DISP2: variants seen among roughly 807,000 people sequenced by gnomAD.
The protein encoded by DISP2 is dispatched RND transporter family member 2, also known as protein dispatched homolog 2.
In DISP2, 59 loss-of-function variants were observed where a neutral mutation model predicts 95.5. The observed-to-expected ratio is 0.62, with a 90% CI of 0.50 to 0.77. DISP2 has a LOEUF of 0.77. Ranked by LOEUF, DISP2 falls within the 30% of genes least tolerant of loss-of-function variation. DISP2 has a pLI of 0.00. For synonymous variants in DISP2, 827 were observed against 815.0 expected, an observed-to-expected ratio of 1.01 and a Z score of -0.25; for missense variants, 1,752 against 1,854.6, an observed-to-expected ratio of 0.94 and a Z score of 1.02.
Position 40,367,403 on chromosome 15 carries a change from C to A in DISP2, c.1291C>A (p.Pro431Thr). 2 of 1,613,514 alleles carry A rather than the reference C, an allele frequency of 1.2e-6. No individual in the cohort carries two copies. Among genetic ancestry groups the A allele is most frequent in the Non-Finnish European group, 1.7e-6 (2 of 1,179,936 alleles). The part of the protein sequence containing the change: ...LSPQTTDYQV[P>T]SLKYSLLFLP... ...TCCCCAGACCACTGACTACCAGGTG[C>A]CTTCCCTCAAGTACAGCCTGCTCTT... The change falls in exon 8 of 8, where the codon CCT (proline) becomes ACT (threonine). Residue 431 changes from proline (P) to threonine (T), a missense_variant. This residue lies in a region of DISP2 where 732 missense variants were observed against 714.6 expected (regional missense o/e 1.02). Coordinates refer to ENST00000267889, the MANE Select transcript of DISP2 (RefSeq NM_033510.3).
intron 6 of DISP2, 123 bp from the exon 7 acceptor site, chr15:40,365,505 T>G (rs1159734801): frequency 7.6e-7 from 1 of 1,311,930 alleles, no homozygotes; most frequent in African/African-American, 1.4e-5. Context: ...AGGCAGTCCA[T>G]GCACAGGCTT....
rs1333962409 is a variant in DISP2 at position 40,370,770 on chromosome 15, TCA to T, written c.*454_*455del. 2.5e-6 allele frequency: 1 copy of T among 407,380 alleles called. No homozygotes were observed. Among genetic ancestry groups the T allele is most frequent in the Admixed American group, 2.8e-5 (1 of 35,888 alleles). The allele number at this position is 407,380 out of a possible 1,614,324, so 25.2% of individuals were successfully genotyped here. Reference sequence around the variant, plus strand: ...AGCAATCTCCACAGCCTCCTGGGTCTCACCCCTTTCATGGGCTCTTCATCAGG... The same window carrying T: ...AGCAATCTCCACAGCCTCCTGGGTCTCCCCTTTCATGGGCTCTTCATCAGG... On this transcript the variant is annotated 3_prime_UTR_variant, in exon 8 of 8. Transcript: ENST00000267889.
Position 40,375,851 on chromosome 15 carries a change from T to C in DISP2, c.*5533T>C, listed in dbSNP as rs540356952. The C allele has an allele frequency of 2.6e-5, 4 of 152,388 alleles. No individual in the cohort carries two copies. The highest frequency in any genetic ancestry group is 2.0e-4 in the Admixed American group (3 of 15,284). 9.4% of individuals were successfully genotyped at this position (152,388 alleles called of 1,614,324 possible). A position where few individuals can be genotyped will look rare whatever the true frequency, so the allele number is the denominator to read the frequency against. ...CCATATGTTCCCCTCCTTATATTGG[T>C]GGGCCTAAGAAGCCACAGGCCTGAC... On this transcript the variant is annotated 3_prime_UTR_variant, in exon 8 of 8. Coordinates refer to ENST00000267889, the MANE Select transcript of DISP2 (RefSeq NM_033510.3).
chr15:40,365,822 G>A lies in DISP2; in HGVS notation c.945+97G>A, dbSNP rs549943742. ...ACAGCTGAGCCAGGACTGCCAGGGG[G>A]TGGACTGGGGAAGAGCATTCCCTGC... On this transcript the variant is annotated intron_variant, in intron 7 of 7. Coordinates refer to ENST00000267889, the MANE Select transcript of DISP2 (RefSeq NM_033510.3). The A allele has an allele frequency of 9.0e-6, 11 of 1,219,086 alleles. No individual in the cohort carries two copies. The African/African-American group carries it at 1.0e-4, about 11-fold the overall frequency. The allele number at this position is 1,219,086 out of a possible 1,614,324, so 75.5% of individuals were successfully genotyped here. A position where few individuals can be genotyped will look rare whatever the true frequency, so the allele number is the denominator to read the frequency against.
chr15:40,361,265 C>G (rs150545026), intron 1 of DISP2, among the ~76,000 whole-genome samples: 1 of 152,344 alleles, frequency 6.6e-6, no homozygotes, highest in Admixed American at 6.5e-5. Flanking sequence ...TAGTGAGATT[C>G]TCAAGGTGTG....
chr15:40,363,455 G>A (rs1430273806), intron 1 of DISP2, among the ~76,000 whole-genome samples, 170 bp from the exon 2 acceptor site: 4 of 152,286 alleles, frequency 2.6e-5, no homozygotes, highest in Non-Finnish European at 4.4e-5. Context: ...GGCTGAGGGC[G>A]CAGACTTCGA....
intron 1 of DISP2, among the ~76,000 whole-genome samples, chr15:40,363,243 C>G (rs12913300): frequency 6.7e-6 from 1 of 148,406 alleles, no homozygotes; most frequent in African/African-American, 2.5e-5. Context: ...ACCCGGGAGG[C>G]GGAGCTTGCA....
chr15:40,358,260 G>GCCGCCACCGCCGCCGCCA lies in DISP2; in HGVS notation c.-57_-56insACCGCCGCCGCCACCGCC. The GCCGCCACCGCCGCCGCCA allele has an allele frequency of 1.1e-6, 1 of 888,024 alleles. No individual in the cohort carries two copies. Among genetic ancestry groups the GCCGCCACCGCCGCCGCCA allele is most frequent in the Non-Finnish European group, 1.4e-6 (1 of 701,642 alleles). The allele number at this position is 888,024 out of a possible 1,614,324, so 55.0% of individuals were successfully genotyped here. ...CGCCGCCGCTGCCGCCGCCACCGCC[G>GCCGCCACCGCCGCCGCCA]CCGCCGCCGCCGCCGCCGCGGCTTC... On this transcript the variant is annotated 5_prime_UTR_variant, in exon 1 of 8. Coordinates refer to ENST00000267889, the MANE Select transcript of DISP2 (RefSeq NM_033510.3).
rs1451371217 is a variant in DISP2, at chr15:40,358,251, G to C, written c.-71G>C. On this transcript the variant is annotated 5_prime_UTR_variant, in exon 1 of 8. Transcript: ENST00000267889. ...CGAGCACCCCGCCGCCGCTGCCGCC[G>C]CCACCGCCGCCGCCGCCGCCGCCGC... is the stretch of plus-strand genomic sequence containing the variant. The C allele has an allele frequency of 1.8e-6, 2 of 1,087,208 alleles. No homozygotes were observed. Among genetic ancestry groups the C allele is most frequent in the East Asian group, 8.8e-5 (2 of 22,722 alleles). The allele number at this position is 1,087,208 out of a possible 1,614,324, so 67.3% of individuals were successfully genotyped here. A position where few individuals can be genotyped will look rare whatever the true frequency, so the allele number is the denominator to read the frequency against.
intron 7 of DISP2, among the ~76,000 whole-genome samples, chr15:40,366,475 C>T (rs893917855): frequency 5.3e-5 from 8 of 152,236 alleles, no homozygotes; most frequent in African/African-American, 1.7e-4. Flanking sequence ...CCCAAGGTTA[C>T]GCAGCCAGTT....
chr15:40,366,058 C>T (rs906380032), intron 7 of DISP2, among the ~76,000 whole-genome samples: 3 of 152,242 alleles, frequency 2.0e-5, no homozygotes, highest in African/African-American at 7.2e-5. Context: ...CCTCAGCCCC[C>T]ATCAACCTGA....
chr15:40,365,306 A>T, intron 6 of DISP2, 32 bp downstream of exon 6: 3 of 1,610,496 alleles, frequency 1.9e-6, no homozygotes, highest in Non-Finnish European at 2.5e-6. Context: ...TCCTGGTTTT[A>T]ATAGTGGTCC....
At position 40,368,157 on chromosome 15, in the gene DISP2, C is replaced by T. The variant is rs1374348518; in HGVS notation, c.2045C>T (p.Ala682Val). Residue 682 changes from alanine to valine, a missense_variant, in exon 8 of 8, where the codon GCG (alanine) becomes GTG (valine). Coordinates refer to ENST00000267889, the MANE Select transcript of DISP2 (RefSeq NM_033510.3). Reference sequence around the variant, plus strand: ...CGGCGGCTCCGCGGCCTGCGGAGGGCGGCGGCTGGCACCTCGCGTCTGCTC... The same window carrying T: ...CGGCGGCTCCGCGGCCTGCGGAGGGTGGCGGCTGGCACCTCGCGTCTGCTC... The part of the protein sequence containing the change: ...LHRRLRGLRR[A>V]AAGTSRLLFQ... The T allele has an allele frequency of 6.5e-7, 1 of 1,534,584 alleles. No individual in the cohort carries two copies. Among genetic ancestry groups the T allele is most frequent in the Non-Finnish European group, 8.7e-7 (1 of 1,149,202 alleles).
Position 40,369,710 on chromosome 15 carries a change from G to A in DISP2, c.3598G>A (p.Asp1200Asn). 6.2e-7 allele frequency: 1 copy of A among 1,611,480 alleles called. No individual in the cohort carries two copies. Among genetic ancestry groups the A allele is most frequent in the Non-Finnish European group, 8.5e-7 (1 of 1,180,008 alleles). ...SVLSEDLQLH[D>N]GPCCSRPPPA... ...ACTCTCTGAGGATCTGCAGCTCCAT[G>A]ATGGTCCGTGCTGTTCCCGGCCCCC... Residue 1200 changes from aspartate (D) to asparagine (N), a missense_variant, in exon 8 of 8, where the codon GAT (aspartate) becomes AAT (asparagine). Around this residue, in one of 5 missense-constraint regions of DISP2, gnomAD observed 347 missense variants for 344.2 expected, o/e 1.01. Coordinates refer to ENST00000267889, the MANE Select transcript of DISP2 (RefSeq NM_033510.3).
intron 1 of DISP2, 53 bp downstream of exon 1, chr15:40,358,493 C>G (rs1889356106): frequency 8.4e-7 from 1 of 1,188,828 alleles, no homozygotes; most frequent in African/African-American, 1.6e-5. Flanking sequence ...AGACCCTCCC[C>G]GCCCCAGGTA....
At position 40,369,623 on chromosome 15, in the gene DISP2, C is replaced by A; in HGVS notation, c.3511C>A (p.Arg1171Ser). The change falls in exon 8 of 8, where the codon CGT (arginine) becomes AGT (serine). Residue 1171 changes from arginine (R) to serine (S), a missense_variant. Transcript: ENST00000267889. ...ATATGAGCTACAGCCCCTGGCACGG[C>A]GTCGGAGCCCCAGCTTTGACACCAG... ...EQYELQPLAR[R>S]RSPSFDTSTA... 6 of 1,611,448 alleles carry A rather than the reference C, an allele frequency of 3.7e-6. No homozygotes were observed. The highest frequency in any genetic ancestry group is 5.1e-6 in the Non-Finnish European group (6 of 1,179,994).
chr15:40,365,126 T>C (rs762122216), intron 5 of DISP2, 21 bp from the exon 6 acceptor site: 1 of 1,611,344 alleles, frequency 6.2e-7, no homozygotes, highest in Non-Finnish European at 8.5e-7. Flanking sequence ...GTGCCTGGCA[T>C]AGATATTCTC....
chr15:40,362,257 C>T (rs896728700), intron 1 of DISP2, among the ~76,000 whole-genome samples: 1 of 152,178 alleles, frequency 6.6e-6, no homozygotes, highest in Non-Finnish European at 1.5e-5. Context: ...CAGTTGCTTC[C>T]ACAAACTTTC....
rs1314847072 is a variant in DISP2, at chr15:40,370,463, G to A, written c.*145G>A. On this transcript the variant is annotated 3_prime_UTR_variant, in exon 8 of 8. Coordinates refer to ENST00000267889, the MANE Select transcript of DISP2 (RefSeq NM_033510.3). Reference sequence around the variant, plus strand: ...CAGCTGTGGATGTTAAACCCTGCCAGATGTCCCAGCCTTGATCTGTCTGCT... The same window carrying A: ...CAGCTGTGGATGTTAAACCCTGCCAAATGTCCCAGCCTTGATCTGTCTGCT... The A allele has an allele frequency of 7.6e-7, 1 of 1,323,014 alleles. No individual in the cohort carries two copies. Among genetic ancestry groups the A allele is most frequent in the Admixed American group, 2.4e-5 (1 of 41,432 alleles). The allele number at this position is 1,323,014 out of a possible 1,614,324, so 82.0% of individuals were successfully genotyped here. A position where few individuals can be genotyped will look rare whatever the true frequency, so the allele number is the denominator to read the frequency against.
Sources: allele counts gnomAD v4.1 joint callset (sites outside exome capture counted in the v4.1 genomes callset), GRCh38; gene constraint gnomAD v4.1.1; regional missense constraint gnomAD v4.1.1; transcripts MANE v1.5; gene names NCBI Gene and HGNC (gene_info 2026-07-23, HGNC 2026-07-21).